NCALD: variants seen among roughly 807,000 people sequenced by gnomAD.
NCALD encodes the protein neurocalcin delta, also known as neurocalcin-delta.
In NCALD, 10 loss-of-function variants were observed where a neutral mutation model predicts 18.6. That is an observed-to-expected ratio of 0.54 (90% confidence interval 0.33 to 0.91). The LOEUF is 0.91. Ranked by LOEUF, NCALD falls within the 40% of genes least tolerant of loss-of-function variation. The pLI, the probability that NCALD is intolerant of heterozygous loss-of-function variation, is 0.03. For missense variants in NCALD, 184 were observed against 247.6 expected (o/e 0.74, Z 1.72); for synonymous variants, 88 against 87.4 (o/e 1.01, Z -0.04).
Position 101,785,527 on chromosome 8 carries a change from G to A in NCALD, c.-20+5335C>T, listed in dbSNP as rs534479910. Among the ~76,000 whole-genome samples, 6 of 152,266 alleles carry A rather than the reference G, an allele frequency of 3.9e-5. 1 individual carries two copies. The South Asian group carries it at 1.2e-3, about 32-fold the overall frequency. ...GCCTGAGTCCCTGGAGGACTGTGTGGAGCAGAGCCCTTCGCCCAATCCTGA... is the reference window on the plus strand; with the variant it reads ...GCCTGAGTCCCTGGAGGACTGTGTGAAGCAGAGCCCTTCGCCCAATCCTGA... On this transcript the variant is annotated intron_variant, in intron 1 of 3. Transcript: ENST00000220931.
At chr8:101,747,211 G>A (rs957793967) in intron 1 of NCALD, among the ~76,000 whole-genome samples, 2 of 152,030 alleles carry the variant, frequency 1.3e-5, no homozygotes, top group African/African-American at 2.4e-5. Context: ...TTCCCACTGT[G>A]ACACAGGCAA....
intron 1 of NCALD, among the ~76,000 whole-genome samples, chr8:102,052,435 T>C (rs1823487962): frequency 6.6e-6 from 1 of 152,224 alleles, no homozygotes; most frequent in South Asian, 2.1e-4. Flanking sequence ...GCCATGACAA[T>C]GTTTTGGTGT....
intron 4 of NCALD, among the ~76,000 whole-genome samples, chr8:101,812,683 T>C (rs998610915): frequency 2.6e-5 from 4 of 152,158 alleles, no homozygotes; most frequent in African/African-American, 7.2e-5. Flanking sequence ...CCACTTGGGA[T>C]TGAGTAACAA....
chr8:102,086,911 C>T (rs534820432), intron 1 of NCALD, among the ~76,000 whole-genome samples: 3 of 152,180 alleles, frequency 2.0e-5, no homozygotes, highest in East Asian at 1.9e-4. Context: ...GTGACTTGGT[C>T]GTCCTCACTG....
intron 2 of NCALD, among the ~76,000 whole-genome samples, chr8:101,994,738 C>G (rs979499045): frequency 1.2e-4 from 18 of 152,190 alleles, no homozygotes; most frequent in Non-Finnish European, 2.2e-4. Flanking sequence ...GCTCATTACT[C>G]TCAATGATGA....
At chr8:101,897,957 T>TA (rs965169275) in intron 3 of NCALD, among the ~76,000 whole-genome samples, 1 of 152,214 alleles carries the variant, frequency 6.6e-6, no homozygotes, top group African/African-American at 2.4e-5. Context: ...GTTCTCATGA[T>TA]AATGAGTGAG....
At chr8:102,055,115 C>A (rs888644568) in intron 1 of NCALD, among the ~76,000 whole-genome samples, 1 of 152,070 alleles carries the variant, frequency 6.6e-6, no homozygotes, top group Non-Finnish European at 1.5e-5. Flanking sequence ...ACTACAGAGC[C>A]AAACCCACTG....
chr8:101,896,372 G>A (rs1490640924), intron 3 of NCALD, among the ~76,000 whole-genome samples: 3 of 151,996 alleles, frequency 2.0e-5, no homozygotes, highest in Non-Finnish European at 2.9e-5. Flanking sequence ...ATTCAAGATG[G>A]ATTAAAGATT....
At chr8:101,995,461 G>C (rs1262108046) in intron 2 of NCALD, among the ~76,000 whole-genome samples, 1 of 152,154 alleles carries the variant, frequency 6.6e-6, no homozygotes. Flanking sequence ...AAGCACAGTG[G>C]CATATGCTTC....
chr8:101,986,089 G>T lies in NCALD; in HGVS notation c.-157+34148C>A, dbSNP rs572807302. 4.4e-3 allele frequency among the ~76,000 whole-genome samples: 663 copies of T among 151,948 alleles called. 4 individuals carry two copies. The highest frequency in any genetic ancestry group is 0.015 in the African/African-American group (634 of 41,430). ...AGTATCACTCTGTCGCCCAGGCAGT[G>T]GCGCGATCTTGGCTCACTGCAACCT... On this transcript the variant is annotated intron_variant, in intron 2 of 6. Transcript: ENST00000311028.
chr8:101,752,950 T>C (rs957718751), intron 1 of NCALD, among the ~76,000 whole-genome samples: 11 of 146,502 alleles, frequency 7.5e-5, no homozygotes, highest in East Asian at 1.9e-4. Flanking sequence ...ATCTCTGAAA[T>C]TCAACATGTA....
intron 4 of NCALD, among the ~76,000 whole-genome samples, chr8:101,802,195 C>G (rs187648342): frequency 1.3e-5 from 2 of 151,956 alleles, no homozygotes; most frequent in Non-Finnish European, 2.9e-5. Context: ...TAATCTTTGA[C>G]GTTACTTTTG....
At position 101,892,978 on chromosome 8, in the gene NCALD, G is replaced by T. The variant is rs1389578225; in HGVS notation, c.-106-5751C>A. On this transcript the variant is annotated intron_variant, in intron 3 of 6. Transcript: ENST00000311028. ...AGGAGAACTTCCCCAATCTAGCAAG[G>T]CAGGCCAACATTCAGATTCAGGAAA... Among the ~76,000 whole-genome samples, 3 of 148,954 alleles carry T rather than the reference G, an allele frequency of 2.0e-5. No individual in the cohort carries two copies. The East Asian group carries it at 5.8e-4, about 29-fold the overall frequency.
At chr8:101,939,648 A>G (rs16868766) in intron 2 of NCALD, among the ~76,000 whole-genome samples, 10,616 of 152,310 alleles carry the variant, frequency 0.07, 980 homozygotes, top group African/African-American at 0.2. Flanking sequence ...CCCTATCCAA[A>G]TAGCTACAAA....
At chr8:101,963,153 C>CT (rs58904577) in intron 2 of NCALD, among the ~76,000 whole-genome samples, 4,414 of 152,252 alleles carry the variant, frequency 0.029, 213 homozygotes, top group African/African-American at 0.096. Flanking sequence ...TAACACATCA[C>CT]TGAAAGACCC....
chr8:102,090,868 C>T (rs533626671), intron 1 of NCALD, among the ~76,000 whole-genome samples: 121 of 152,290 alleles, frequency 7.9e-4, no homozygotes, highest in Middle Eastern at 6.8e-3. Flanking sequence ...TTTACCAAGG[C>T]GTTGTCTGGA....
chr8:102,124,436 C>T (rs1338500332), upstream of NCALD: 4 of 149,302 alleles, frequency 2.7e-5, no homozygotes, highest in Non-Finnish European at 5.9e-5. Flanking sequence ...CCGGCGTGGG[C>T]TTCACCGCGG....
chr8:101,727,900 C>A (rs139726337), intron 1 of NCALD, among the ~76,000 whole-genome samples: 1 of 152,166 alleles, frequency 6.6e-6, no homozygotes, highest in South Asian at 2.1e-4. Context: ...TATGTGACTG[C>A]GCACCCTTTT....
At chr8:102,120,322 A>T (rs1447776091) in intron 1 of NCALD, among the ~76,000 whole-genome samples, 1 of 152,210 alleles carries the variant, frequency 6.6e-6, no homozygotes, top group African/African-American at 2.4e-5. Context: ...AACATGTGAC[A>T]TGTGATGAAG....
Sources: allele counts gnomAD v4.1 joint callset (sites outside exome capture counted in the v4.1 genomes callset), GRCh38; gene constraint gnomAD v4.1.1; transcripts MANE v1.5; gene names NCBI Gene and HGNC (gene_info 2026-07-23, HGNC 2026-07-21).